Variants in SLIT3 observed in about 807,000 individuals in gnomAD.
The protein encoded by SLIT3 is slit guidance ligand 3.
A neutral mutation model predicts 184.0 loss-of-function variants in SLIT3; 68 were observed. The observed-to-expected ratio is 0.37, with a 90% CI of 0.30 to 0.45. The LOEUF is 0.45. Among genes scored for constraint, SLIT3 ranks in the 20% least tolerant of loss-of-function variants. SLIT3 has a pLI of 1.00. For synonymous variants in SLIT3, 831 were observed against 828.6 expected, an observed-to-expected ratio of 1.00 and a Z score of -0.05; for missense variants, 1,707 against 2,026.0, an observed-to-expected ratio of 0.84 and a Z score of 3.02.
intron 3 of SLIT3, among the ~76,000 whole-genome samples, chr5:169,243,451 T>C (rs1297552295): frequency 2.0e-5 from 3 of 152,218 alleles, no homozygotes; most frequent in African/African-American, 7.2e-5. Context: ...TTATTTTCCC[T>C]TGCAAGAAAT....
At chr5:169,215,674 C>T (rs1764411747) in intron 3 of SLIT3, among the ~76,000 whole-genome samples, 1 of 152,168 alleles carries the variant, frequency 6.6e-6, no homozygotes, top group South Asian at 2.1e-4. Context: ...TGCCCATCTC[C>T]CTGGCCCGAT....
chr5:169,142,339 G>A (rs1761776316), intron 4 of SLIT3, among the ~76,000 whole-genome samples: 1 of 152,128 alleles, frequency 6.6e-6, no homozygotes, highest in Non-Finnish European at 1.5e-5. Flanking sequence ...ACAGGGCTCT[G>A]GGTAGCTCAG....
At chr5:169,038,319 A>T (rs2113552004) in intron 4 of SLIT3, among the ~76,000 whole-genome samples, 1 of 152,350 alleles carries the variant, frequency 6.6e-6, no homozygotes, top group Middle Eastern at 3.4e-3. Flanking sequence ...GGAACTGCTG[A>T]TTGAATATGT....
chr5:168,984,061 A>G (rs1003036182), intron 4 of SLIT3, among the ~76,000 whole-genome samples: 1 of 147,826 alleles, frequency 6.8e-6, no homozygotes, highest in Non-Finnish European at 1.5e-5. Context: ...AAATATATAT[A>G]TATTTTTTTT....
chr5:168,952,069 A>C (rs1230178686), intron 4 of SLIT3, among the ~76,000 whole-genome samples: 2 of 152,186 alleles, frequency 1.3e-5, no homozygotes, highest in Non-Finnish European at 2.9e-5. Flanking sequence ...AGGCAGCTAC[A>C]AAGAGTTAGG....
chr5:168,700,370 A>G (rs73322463), intron 27 of SLIT3, among the ~76,000 whole-genome samples: 7,596 of 152,260 alleles, frequency 0.05, 611 homozygotes, highest in African/African-American at 0.17. Context: ...TATAAATGGG[A>G]GTTCCCCTGC....
chr5:168,952,451 A>C (rs1409641367), intron 4 of SLIT3, among the ~76,000 whole-genome samples: 3 of 149,426 alleles, frequency 2.0e-5, no homozygotes, highest in Admixed American at 6.8e-5. Flanking sequence ...TGCATTCTGC[A>C]CCAGGCACCC....
intron 4 of SLIT3, among the ~76,000 whole-genome samples, chr5:169,108,278 G>A (rs1402961584): frequency 6.6e-6 from 1 of 152,210 alleles, no homozygotes; most frequent in South Asian, 2.1e-4. Context: ...AAGCAACCTG[G>A]GTTCAAGTCC....
At chr5:169,079,788 GGA>G (rs1758926288) in intron 4 of SLIT3, among the ~76,000 whole-genome samples, 1 of 92,368 alleles carries the variant, frequency 1.1e-5, no homozygotes, top group Non-Finnish European at 2.2e-5. Flanking sequence ...GGGAAGAGGA[GGA>G]GGAGGGAGGA....
intron 27 of SLIT3, 45 bp downstream of exon 27, chr5:168,700,537 G>C (rs765177317): frequency 1.2e-5 from 16 of 1,340,146 alleles, no homozygotes; most frequent in Admixed American, 3.4e-5. Context: ...TTAGCAGTGT[G>C]AGAGCAAACT....
intron 24 of SLIT3, among the ~76,000 whole-genome samples, chr5:168,711,780 T>G (rs574987809): frequency 6.6e-6 from 1 of 152,314 alleles, no homozygotes. Flanking sequence ...ACTGACCTGA[T>G]AGTCAAACTT....
At chr5:168,962,776 T>A (rs950803952) in intron 4 of SLIT3, among the ~76,000 whole-genome samples, 20 of 93,612 alleles carry the variant, frequency 2.1e-4, no homozygotes, top group African/African-American at 1.9e-3. Flanking sequence ...GGCTGCCTTT[T>A]AGCTCTTAGA....
chr5:169,227,716 G>A (rs532033663), intron 3 of SLIT3, among the ~76,000 whole-genome samples: 9 of 152,310 alleles, frequency 5.9e-5, no homozygotes, highest in East Asian at 5.8e-4. Context: ...ACGTGCCACC[G>A]CGCCCAGACC....
intron 14 of SLIT3, among the ~76,000 whole-genome samples, chr5:168,764,814 C>T (rs1036585864): frequency 4.6e-5 from 7 of 152,182 alleles, no homozygotes; most frequent in Non-Finnish European, 8.8e-5. Context: ...ATTCGAGTGG[C>T]TTCCTGGTTC....
chr5:168,925,318 G>A (rs1761780788), intron 4 of SLIT3, among the ~76,000 whole-genome samples: 1 of 152,146 alleles, frequency 6.6e-6, no homozygotes, highest in Non-Finnish European at 1.5e-5. Context: ...CTATGCACAA[G>A]CTGGGGAAGT....
chr5:168,979,190 CG>C (rs1411504860), intron 4 of SLIT3, among the ~76,000 whole-genome samples: 2 of 152,214 alleles, frequency 1.3e-5, no homozygotes, highest in African/African-American at 4.8e-5. Context: ...TCTCATGCTT[CG>C]GGGTTGCTCT....
At chr5:168,818,285 T>C (rs941584659) in intron 7 of SLIT3, among the ~76,000 whole-genome samples, 1 of 152,204 alleles carries the variant, frequency 6.6e-6, no homozygotes, top group Admixed American at 6.5e-5. Flanking sequence ...TGGTTCCGGA[T>C]GAATTTCTTG....
chr5:168,719,205 C>T (rs767268571), intron 23 of SLIT3, among the ~76,000 whole-genome samples: 1 of 152,216 alleles, frequency 6.6e-6, no homozygotes, highest in Non-Finnish European at 1.5e-5. Context: ...GCACACATCA[C>T]TATGCCCGGC....
At chr5:168,891,304 C>T (rs577845102) in intron 4 of SLIT3, among the ~76,000 whole-genome samples, 1 of 152,254 alleles carries the variant, frequency 6.6e-6, no homozygotes, top group Admixed American at 6.5e-5. Flanking sequence ...AGAATGATGA[C>T]ATTTAATCTG....
Sources: gnomAD v4.1 joint callset for allele counts (sites outside exome capture counted in the v4.1 genomes callset) on GRCh38, gnomAD v4.1.1 for gene constraint, MANE v1.5 for transcripts, NCBI Gene and HGNC (gene_info 2026-07-23, HGNC 2026-07-21) for gene names.